HPS3: variants seen among roughly 807,000 people sequenced by gnomAD.
The protein encoded by HPS3 is BLOC-2 complex member HPS3.
HPS3 carries 79 observed loss-of-function variants against 110.9 expected under a neutral mutation model. That is an observed-to-expected ratio of 0.71 (90% CI 0.59 to 0.86). The LOEUF is 0.86. HPS3 is among the 40% of genes least tolerant of loss of function. The pLI is 0.00. For synonymous variants in HPS3, 428 were observed against 451.0 expected, an observed-to-expected ratio of 0.95 and a Z score of 0.65; for missense variants, 1,197 against 1,206.2, an observed-to-expected ratio of 0.99 and a Z score of 0.11.
intron 12 of HPS3, 46 bp downstream of exon 12, chr3:149,162,379 TTGG>T (rs1424283441): frequency 1.9e-6 from 3 of 1,548,152 alleles, no homozygotes; most frequent in South Asian, 1.1e-5. Context: ...CCTCATTAAA[TTGG>T]TGGTGGGGAG....
chr3:149,162,097 C>T (rs1418421382), intron 11 of HPS3, 51 bp from the exon 12 acceptor site: 3 of 1,421,122 alleles, frequency 2.1e-6, no homozygotes, highest in African/African-American at 2.8e-5. Context: ...CTAAAATGGA[C>T]AATCTAAATA....
At chr3:149,138,240 G>T (rs896727561) in intron 1 of HPS3, among the ~76,000 whole-genome samples, 2 of 152,190 alleles carry the variant, frequency 1.3e-5, no homozygotes, top group Non-Finnish European at 2.9e-5. Flanking sequence ...GAGGGAGCCT[G>T]GTCAGCCCAG....
intron 7 of HPS3, 71 bp from the exon 8 acceptor site, chr3:149,155,036 T>C (rs1189656468): frequency 2.4e-6 from 2 of 822,626 alleles, no homozygotes; most frequent in African/African-American, 3.4e-5. Context: ...TTATATCCAA[T>C]ATTTACCATT....
At chr3:149,136,326 G>A (rs1207366009) in intron 1 of HPS3, among the ~76,000 whole-genome samples, 1 of 152,070 alleles carries the variant, frequency 6.6e-6, no homozygotes, top group Non-Finnish European at 1.5e-5. Context: ...AGGTTGCAGT[G>A]AGCCAAGACA....
chr3:149,154,573 A>C (rs1024439208), intron 7 of HPS3, among the ~76,000 whole-genome samples: 7 of 150,912 alleles, frequency 4.6e-5, no homozygotes, highest in Admixed American at 1.3e-4. Flanking sequence ...AATTCATTTG[A>C]AAATTCATTT....
chr3:149,161,223 A>G (rs1208309764), intron 11 of HPS3, among the ~76,000 whole-genome samples: 2 of 152,216 alleles, frequency 1.3e-5, no homozygotes, highest in African/African-American at 4.8e-5. Flanking sequence ...CATAATTTTG[A>G]AAAAACTTAA....
At position 149,141,038 on chromosome 3, in the gene HPS3, A is replaced by G. The variant is rs755372867; in HGVS notation, c.734A>G (p.Gln245Arg). The change falls in exon 3 of 17, where the codon CAG becomes CGG. Residue 245 changes from glutamine to arginine, a missense_variant. Gln to Arg is a conservative substitution (Grantham distance 43, BLOSUM62 1). Coordinates refer to ENST00000296051, the MANE Select transcript of HPS3 (RefSeq NM_032383.5). The stretch of plus-strand genomic sequence containing the variant: ...TAAGGCATCAGTAATGAAATTTCAC[A>G]GCTTGAGTCAGATGATTTTGTCATC... ...TEEGISNEISQLESDDFVICQ... is the reference protein window; with the variant it reads ...TEEGISNEISRLESDDFVICQ... 2 of 1,613,910 alleles carry G rather than the reference A, an allele frequency of 1.2e-6. No individual in the cohort carries two copies. The highest frequency in any genetic ancestry group is 2.7e-5 in the African/African-American group (2 of 74,922).
chr3:149,142,788 G>A (rs1325573169), intron 4 of HPS3, among the ~76,000 whole-genome samples: 1 of 152,094 alleles, frequency 6.6e-6, no homozygotes, highest in Admixed American at 6.5e-5. Flanking sequence ...GGAGACATTC[G>A]AATAACGGCA....
Position 149,166,188 on chromosome 3 carries a change from T to C in HPS3, c.2590-846T>C, listed in dbSNP as rs1041980896. ...ATAGTTTAATTGCTTGAAGTAAATATTGGTAAAGTTGTAAATTCTGAGATA... is the reference window on the plus strand; with the variant it reads ...ATAGTTTAATTGCTTGAAGTAAATACTGGTAAAGTTGTAAATTCTGAGATA... On this transcript the variant is annotated intron_variant, in intron 14 of 16. Transcript: ENST00000296051. 1.1e-5 allele frequency: 4 copies of C among 352,086 alleles called. No homozygotes were observed. In the Admixed American group the frequency reaches 1.5e-4, roughly 14 times the overall value. 21.8% of individuals were successfully genotyped at this position (352,086 alleles called of 1,614,324 possible).
chr3:149,148,498 G>A (rs1424213144), intron 5 of HPS3, among the ~76,000 whole-genome samples: 1 of 146,026 alleles, frequency 6.8e-6, no homozygotes, highest in Non-Finnish European at 1.5e-5. Context: ...CACCTCCCTG[G>A]TTCAAGCAAT....
At chr3:149,141,489 A>G (rs1722451689) in intron 4 of HPS3, 109 bp downstream of exon 4, 1 of 860,940 alleles carries the variant, frequency 1.2e-6, no homozygotes, top group Non-Finnish European at 2.0e-6. Flanking sequence ...TGGTTCTTCC[A>G]CTGGAGTCTC....
chr3:149,143,960 G>GT (rs1212809375), intron 4 of HPS3, among the ~76,000 whole-genome samples: 1 of 152,134 alleles, frequency 6.6e-6, no homozygotes, highest in Non-Finnish European at 1.5e-5. Flanking sequence ...CTTCAACAGT[G>GT]TTGCTCCATG....
chr3:149,160,138 T>A lies in HPS3; in HGVS notation c.1965T>A (p.Asn655Lys). ...ILCSPSMKNI[N>K]PLTAMSYLRK... is the part of the protein sequence containing the mutation. ...GTAGTCCTTCTATGAAGAATATTAA[T>A]CCTTTAACTGCCATGAGCTATCTAA... The change falls in exon 11 of 17, where the codon AAT (asparagine) becomes AAA (lysine). Residue 655 changes from asparagine (N) to lysine (K), a missense_variant. By Grantham distance (94) the Asn-to-Lys change is moderately conservative. Transcript: ENST00000296051. 6.2e-7 allele frequency: 1 copy of A among 1,613,912 alleles called. No individual in the cohort carries two copies. Among genetic ancestry groups the A allele is most frequent in the Non-Finnish European group, 8.5e-7 (1 of 1,179,802 alleles).
chr3:149,162,776 G>T lies in HPS3; in HGVS notation c.2379G>T (p.Val793=), dbSNP rs1724007894. The T allele has an allele frequency of 2.5e-6, 4 of 1,613,830 alleles. No individual in the cohort carries two copies. The highest frequency in any genetic ancestry group is 3.4e-6 in the Non-Finnish European group (4 of 1,179,820). Residue 793 remains valine (V), a synonymous_variant, in exon 13 of 17, where the codon GTG becomes GTT. Coordinates refer to ENST00000296051, the MANE Select transcript of HPS3 (RefSeq NM_032383.5). ...AGCTAGTGGCATGTCTCCCAGATGT[G>T]GTACTTCAGGAACTCTTTTTCAAAC... ...EAQLVACLPD[V]VLQELFFKLT... is the part of the protein sequence containing the mutation.
chr3:149,129,738 C>G lies in HPS3; in HGVS notation c.15C>G (p.Tyr5Ter), dbSNP rs753185316. MVQL[Y>*]NLHPFGSQQV... The stretch of plus-strand genomic sequence containing the variant: ...CGGACGTCGGGATGGTGCAGCTGTA[C>G]AACCTGCACCCGTTCGGGTCGCAGC... Residue 5 changes from tyrosine (Y) to a stop codon, truncating the protein, a stop_gained, in exon 1 of 17, where the codon TAC (tyrosine) becomes TAG (stop). Transcript: ENST00000296051. LOFTEE classifies it high-confidence loss of function. 3.7e-6 allele frequency: 6 copies of G among 1,602,714 alleles called. No homozygotes were observed. Among genetic ancestry groups the G allele is most frequent in the Non-Finnish European group, 4.2e-6 (5 of 1,177,368 alleles).
chr3:149,155,366 T>A, intron 8 of HPS3, 151 bp downstream of exon 8: 1 of 649,240 alleles, frequency 1.5e-6, no homozygotes, highest in Non-Finnish European at 2.8e-6. Context: ...TCTCTCTGCC[T>A]CCTCATTGTT....
intron 11 of HPS3, among the ~76,000 whole-genome samples, chr3:149,160,822 G>A (rs1723755091): frequency 6.6e-6 from 1 of 152,166 alleles, no homozygotes; most frequent in Non-Finnish European, 1.5e-5. Flanking sequence ...AAAATAGGAG[G>A]TAGTGTAATT....
At chr3:149,151,625 A>T (rs1723128890) in intron 6 of HPS3, among the ~76,000 whole-genome samples, 1 of 138,930 alleles carries the variant, frequency 7.2e-6, no homozygotes, top group African/African-American at 2.7e-5. Flanking sequence ...AAGCCTCTTG[A>T]CCACAGAATA....
chr3:149,169,327 C>T (rs1724751407), intron 16 of HPS3, among the ~76,000 whole-genome samples: 2 of 152,120 alleles, frequency 1.3e-5, no homozygotes, highest in Admixed American at 6.5e-5. Flanking sequence ...GAACTGAGTT[C>T]CAGGTTTGCC....
Sources: allele counts gnomAD v4.1 joint callset (sites outside exome capture counted in the v4.1 genomes callset), GRCh38; gene constraint gnomAD v4.1.1; transcripts MANE v1.5; gene names NCBI Gene and HGNC (gene_info 2026-07-23, HGNC 2026-07-21).